The following DPP10 variants were observed in gnomAD, a reference collection of about 807,000 sequenced individuals.
DPP10 encodes dipeptidyl peptidase like 10.
A neutral mutation model predicts 120.9 loss-of-function variants in DPP10; 33 were observed. The observed-to-expected ratio is 0.27, with a 90% CI of 0.21 to 0.37. The LOEUF is 0.37. DPP10 is among the 10% of genes least tolerant of loss of function. The pLI, the probability that DPP10 is intolerant of heterozygous loss-of-function variation, is 1.00. For missense variants in DPP10, 816 were observed against 942.8 expected, an observed-to-expected ratio of 0.87 and a Z score of 1.76; for synonymous variants, 337 against 326.1, an observed-to-expected ratio of 1.03 and a Z score of -0.36.
At chr2:115,479,221 T>C (rs2105251637) in intron 3 of DPP10, among the ~76,000 whole-genome samples, 1 of 152,232 alleles carries the variant, frequency 6.6e-6, no homozygotes, top group Middle Eastern at 3.4e-3. Context: ...ATGTTATTCA[T>C]CCTTAGAAAG....
intron 1 of DPP10, among the ~76,000 whole-genome samples, chr2:115,095,574 G>GTTTTTTTTTTTTTTTTTTTTT (rs924847937): frequency 1.5e-5 from 2 of 137,720 alleles, no homozygotes; most frequent in Non-Finnish European, 1.6e-5. Flanking sequence ...ATTCTGTTTG[G>GTTTTTTTTTTTTTTTTTTTTT]TTTTTTTTTT....
At chr2:114,987,404 T>G (rs941834830) in intron 1 of DPP10, among the ~76,000 whole-genome samples, 1 of 152,166 alleles carries the variant, frequency 6.6e-6, no homozygotes, top group African/African-American at 2.4e-5. Context: ...AATTTTCCAC[T>G]TTTGAGGGAT....
At chr2:114,796,400 G>A (rs1034912453) in intron 1 of DPP10, among the ~76,000 whole-genome samples, 6 of 152,004 alleles carry the variant, frequency 3.9e-5, no homozygotes, top group Non-Finnish European at 8.8e-5. Flanking sequence ...TGTACTGTAA[G>A]TCTATTTTTT....
At chr2:114,714,256 T>C (rs1701217788) in intron 1 of DPP10, among the ~76,000 whole-genome samples, 1 of 152,094 alleles carries the variant, frequency 6.6e-6, no homozygotes, top group Non-Finnish European at 1.5e-5. Flanking sequence ...AGCAACATAG[T>C]GGCAGCCAAA....
At chr2:115,241,555 A>G (rs1459149476) in intron 1 of DPP10, among the ~76,000 whole-genome samples, 1 of 152,182 alleles carries the variant, frequency 6.6e-6, no homozygotes, top group Non-Finnish European at 1.5e-5. Context: ...CAGTAATAGC[A>G]TATTGCTCTC....
intron 3 of DPP10, among the ~76,000 whole-genome samples, chr2:115,363,589 C>T (rs543137074): frequency 6.6e-6 from 1 of 152,296 alleles, no homozygotes; most frequent in East Asian, 1.9e-4. Context: ...TGTCAGTGGC[C>T]ATATCTTCTT....
At chr2:115,070,081 G>A (rs994061006) in intron 1 of DPP10, among the ~76,000 whole-genome samples, 3 of 151,994 alleles carry the variant, frequency 2.0e-5, no homozygotes, top group Non-Finnish European at 4.4e-5. Flanking sequence ...GTTAAAATGT[G>A]GGTGCTCTAA....
intron 3 of DPP10, among the ~76,000 whole-genome samples, chr2:115,453,936 T>A (rs2073323499): frequency 6.6e-6 from 1 of 151,362 alleles, no homozygotes; most frequent in African/African-American, 2.4e-5. Flanking sequence ...CTAAAGACAT[T>A]TTAATATATT....
intron 1 of DPP10, among the ~76,000 whole-genome samples, chr2:114,494,193 T>C (rs539836561): frequency 6.6e-6 from 1 of 151,512 alleles, no homozygotes; most frequent in Non-Finnish European, 1.5e-5. Context: ...GTTCAGATCC[T>C]GGCTCTCTGC....
intron 1 of DPP10, among the ~76,000 whole-genome samples, chr2:115,086,452 CT>C (rs70941026): frequency 8.6e-4 from 91 of 106,430 alleles, no homozygotes; most frequent in African/African-American, 2.4e-3. Context: ...CAATGTATTT[CT>C]TTTTTTTTTT....
chr2:114,854,882 G>A (rs568603672), intron 1 of DPP10, among the ~76,000 whole-genome samples: 1 of 152,310 alleles, frequency 6.6e-6, no homozygotes, highest in Non-Finnish European at 1.5e-5. Context: ...CAGTGTGAGA[G>A]TATGTACACA....
chr2:115,805,206 C>T lies in DPP10; in HGVS notation c.1701-9587C>T, dbSNP rs538586687. On this transcript the variant is annotated intron_variant, in intron 19 of 25. Transcript: ENST00000410059. ...TGCTGTGCTAGCAATCAGCGAGGCT[C>T]GGTGGGCTTAGGACCCTCCCAGCCA... Among the ~76,000 whole-genome samples the T allele has an allele frequency of 8.7e-4, 133 of 152,246 alleles. 1 individual carries two copies. The highest frequency in any genetic ancestry group is 2.9e-3 in the African/African-American group (121 of 41,564).
intron 1 of DPP10, among the ~76,000 whole-genome samples, chr2:114,631,527 T>G (rs564617964): frequency 6.6e-6 from 1 of 152,272 alleles, no homozygotes; most frequent in African/African-American, 2.4e-5. Context: ...CTGAGAGTAC[T>G]TTTGGGGACT....
chr2:115,444,847 A>G (rs717522), intron 3 of DPP10, among the ~76,000 whole-genome samples: 21,191 of 152,188 alleles, frequency 0.14, 3,236 homozygotes, highest in African/African-American at 0.37. Context: ...TGGTAGGCCT[A>G]TAACAAGATT....
chr2:115,410,363 A>G (rs1247408256), intron 3 of DPP10, among the ~76,000 whole-genome samples: 1 of 152,212 alleles, frequency 6.6e-6, no homozygotes, highest in Non-Finnish European at 1.5e-5. Context: ...CATTATTCTC[A>G]GCAGACTAAT....
chr2:115,282,525 C>T (rs1489696268), intron 1 of DPP10, among the ~76,000 whole-genome samples: 2 of 152,170 alleles, frequency 1.3e-5, no homozygotes, highest in South Asian at 2.1e-4. Context: ...CTTATAATGT[C>T]TTACCTATAG....
intron 1 of DPP10, among the ~76,000 whole-genome samples, chr2:114,942,340 CGTAT>C (rs1558904075): frequency 6.5e-5 from 7 of 108,338 alleles, no homozygotes; most frequent in Non-Finnish European, 1.2e-4. Context: ...TATATATATA[CGTAT>C]ATATACATAT....
At chr2:114,545,489 T>C (rs1219114135) in intron 1 of DPP10, among the ~76,000 whole-genome samples, 4 of 152,156 alleles carry the variant, frequency 2.6e-5, no homozygotes, top group African/African-American at 9.7e-5. Context: ...GGAGAAAAAG[T>C]TGGATTCATT....
intron 1 of DPP10, among the ~76,000 whole-genome samples, chr2:114,822,532 T>G (rs772563357): frequency 5.3e-5 from 8 of 152,170 alleles, no homozygotes; most frequent in Non-Finnish European, 1.2e-4. Flanking sequence ...TTATGCAAAT[T>G]ACTGTAGCAG....
Sources: allele counts gnomAD v4.1 joint callset (sites outside exome capture counted in the v4.1 genomes callset), GRCh38; gene constraint gnomAD v4.1.1; transcripts MANE v1.5; gene names NCBI Gene and HGNC (gene_info 2026-07-23, HGNC 2026-07-21).